The following PIP5K1B variants were observed in gnomAD, a reference collection of about 807,000 sequenced individuals.
The protein encoded by PIP5K1B is phosphatidylinositol 4-phosphate 5-kinase type-1 beta.
PIP5K1B carries 42 observed loss-of-function variants against 67.0 expected under a neutral mutation model. The ratio of observed to expected loss-of-function variants is 0.63; its 90% CI spans 0.49 to 0.81. The LOEUF (loss-of-function observed/expected upper bound fraction) is 0.81, where lower values mean the gene tolerates loss of function less well. PIP5K1B is among the 30% of genes least tolerant of loss of function. The probability of loss-of-function intolerance (pLI) is 0.00; values close to 1 mark genes in which losing one functional copy is unlikely to be tolerated. For missense variants in PIP5K1B, 459 were observed against 646.3 expected (o/e 0.71, Z 3.14); for synonymous variants, 214 against 231.4 (o/e 0.92, Z 0.68).
chr9:68,941,843 G>A (rs1003276686), intron 14 of PIP5K1B, among the ~76,000 whole-genome samples: 1 of 152,080 alleles, frequency 6.6e-6, no homozygotes, highest in South Asian at 2.1e-4. Flanking sequence ...TTTGCTAGTC[G>A]GACCTGCTAT....
intron 14 of PIP5K1B, among the ~76,000 whole-genome samples, chr9:68,955,587 T>A (rs1442457705): frequency 1.3e-5 from 2 of 152,224 alleles, no homozygotes; most frequent in Non-Finnish European, 2.9e-5. Context: ...ACTGGATATT[T>A]TTGTTTAAGA....
At chr9:68,735,454 T>A (rs1828691718) in intron 1 of PIP5K1B, among the ~76,000 whole-genome samples, 1 of 151,828 alleles carries the variant, frequency 6.6e-6, no homozygotes, top group Non-Finnish European at 1.5e-5. Flanking sequence ...CTCCTCTTGA[T>A]CTCAGCTCAC....
chr9:68,914,254 G>A (rs1207150467), intron 8 of PIP5K1B, among the ~76,000 whole-genome samples: 4 of 152,088 alleles, frequency 2.6e-5, no homozygotes, highest in African/African-American at 4.8e-5. Context: ...CATGGTGTCC[G>A]GAATGTTTTT....
intron 1 of PIP5K1B, among the ~76,000 whole-genome samples, chr9:68,708,509 C>T (rs1827231321): frequency 1.3e-5 from 2 of 151,352 alleles, no homozygotes; most frequent in Non-Finnish European, 2.9e-5. Context: ...ACAGTAGACT[C>T]ATGTCATCTA....
rs566430767 is a variant in PIP5K1B at position 68,956,660 on chromosome 9, A to G, written c.1502+15870A>G. Among the ~76,000 whole-genome samples the G allele has an allele frequency of 2.6e-5, 4 of 152,340 alleles. No homozygotes were observed. The East Asian group carries it at 7.7e-4, about 29-fold the overall frequency. ...ATATTCATATGTTGCTAGAGAATGT[A>G]TGATATCTTATAAATCTCATCACTT... On this transcript the variant is annotated intron_variant, in intron 14 of 15. Coordinates refer to ENST00000265382, the MANE Select transcript of PIP5K1B (RefSeq NM_003558.4).
intron 2 of PIP5K1B, chr9:68,783,173 C>A (rs1208164704): frequency 6.0e-6 from 1 of 167,100 alleles, no homozygotes; most frequent in Non-Finnish European, 1.5e-5. Flanking sequence ...ATTTCCTACT[C>A]TTTAAGGAAT....
intron 4 of PIP5K1B, among the ~76,000 whole-genome samples, chr9:68,853,758 T>G (rs1822612065): frequency 6.6e-6 from 1 of 152,120 alleles, no homozygotes; most frequent in South Asian, 2.1e-4. Context: ...GGCAGAGGAA[T>G]GCAATAGCCA....
At chr9:68,881,110 A>G (rs78764185) in intron 6 of PIP5K1B, among the ~76,000 whole-genome samples, 7,212 of 152,304 alleles carry the variant, frequency 0.047, 300 homozygotes, top group East Asian at 0.24. Context: ...TGGTGGGGGC[A>G]GAGCCTAGAC....
chr9:68,939,387 A>G (rs1042321683), intron 13 of PIP5K1B, among the ~76,000 whole-genome samples: 2 of 152,154 alleles, frequency 1.3e-5, no homozygotes, highest in Non-Finnish European at 1.5e-5. Flanking sequence ...GTGGCAATTC[A>G]TTGGAATCTG....
At chr9:68,735,113 GT>G (rs951622435) in intron 1 of PIP5K1B, among the ~76,000 whole-genome samples, 3 of 151,862 alleles carry the variant, frequency 2.0e-5, no homozygotes, top group Non-Finnish European at 2.9e-5. Flanking sequence ...TCTCTTGGAA[GT>G]TTTTTTTAAC....
intron 2 of PIP5K1B, among the ~76,000 whole-genome samples, chr9:68,815,111 C>A (rs891769236): frequency 1.3e-5 from 2 of 151,828 alleles, no homozygotes; most frequent in East Asian, 1.9e-4. Context: ...AATTAAGAAG[C>A]CTTCTTATAG....
At chr9:68,950,828 C>T (rs1828030191) in intron 14 of PIP5K1B, among the ~76,000 whole-genome samples, 1 of 152,216 alleles carries the variant, frequency 6.6e-6, no homozygotes, top group African/African-American at 2.4e-5. Flanking sequence ...GAGTCATCAC[C>T]ACAGTAGTGA....
intron 5 of PIP5K1B, among the ~76,000 whole-genome samples, chr9:68,865,822 G>C (rs1000389425): frequency 6.6e-6 from 1 of 152,230 alleles, no homozygotes; most frequent in Admixed American, 6.5e-5. Flanking sequence ...TTAACAAGCC[G>C]TCGGGGTGAT....
chr9:68,789,609 C>G, intron 2 of PIP5K1B: 1 of 386,928 alleles, frequency 2.6e-6, no homozygotes. Flanking sequence ...TACCACACTT[C>G]TCCAGTGTTT....
intron 2 of PIP5K1B, among the ~76,000 whole-genome samples, chr9:68,750,615 G>A (rs1829576166): frequency 6.6e-6 from 1 of 152,256 alleles, no homozygotes; most frequent in Admixed American, 6.5e-5. Flanking sequence ...CCAGGTCACT[G>A]TATCTCTAAA....
intron 5 of PIP5K1B, among the ~76,000 whole-genome samples, chr9:68,870,789 G>A (rs929730493): frequency 1.5e-4 from 23 of 152,180 alleles, no homozygotes; most frequent in African/African-American, 5.5e-4. Flanking sequence ...ACAAGTGAGG[G>A]CATTTAGCAT....
chr9:68,722,076 CT>C (rs1175724802), intron 1 of PIP5K1B, among the ~76,000 whole-genome samples: 1 of 152,148 alleles, frequency 6.6e-6, no homozygotes, highest in East Asian at 1.9e-4. Flanking sequence ...TCTTTGGGAA[CT>C]TTCCCTAGAG....
intron 2 of PIP5K1B, chr9:68,782,436 C>T (rs1177450401): frequency 6.0e-6 from 1 of 166,706 alleles, no homozygotes; most frequent in African/African-American, 2.4e-5. Context: ...ATTATGCATC[C>T]TTATACCTCA....
At chr9:68,946,206 T>G (rs1233619651) in intron 14 of PIP5K1B, among the ~76,000 whole-genome samples, 1 of 152,162 alleles carries the variant, frequency 6.6e-6, no homozygotes, top group Non-Finnish European at 1.5e-5. Flanking sequence ...AACTTCCTAG[T>G]GATTCCATTC....
Sources: allele counts gnomAD v4.1 joint callset (sites outside exome capture counted in the v4.1 genomes callset), GRCh38; gene constraint gnomAD v4.1.1; transcripts MANE v1.5; gene names NCBI Gene and HGNC (gene_info 2026-07-23, HGNC 2026-07-21).